The following GRIP1 variants were observed in gnomAD, a reference collection of about 807,000 sequenced individuals.
The protein encoded by GRIP1 is glutamate receptor-interacting protein 1.
GRIP1 carries 45 observed loss-of-function variants against 129.9 expected under a neutral mutation model. The observed-to-expected ratio is 0.35, with a 90% CI of 0.27 to 0.44. The LOEUF (loss-of-function observed/expected upper bound fraction) is 0.44, where lower values mean the gene tolerates loss of function less well. GRIP1 is among the 20% of genes least tolerant of loss of function. The probability of loss-of-function intolerance (pLI) is 1.00; values close to 1 mark genes in which losing one functional copy is unlikely to be tolerated. For missense variants in GRIP1, 1,196 were observed against 1,396.8 expected (o/e 0.86, Z 2.29); for synonymous variants, 530 against 520.8 (o/e 1.02, Z -0.24).
At chr12:66,739,340 G>C (rs142708947) in intron 1 of GRIP1, among the ~76,000 whole-genome samples, 2 of 152,234 alleles carry the variant, frequency 1.3e-5, no homozygotes, top group African/African-American at 4.8e-5. Context: ...CACAAAGAAT[G>C]TATGGTGGAG....
At chr12:66,802,443 C>A (rs2038885463) in intron 1 of GRIP1, among the ~76,000 whole-genome samples, 1 of 152,138 alleles carries the variant, frequency 6.6e-6, no homozygotes, top group Admixed American at 6.5e-5. Flanking sequence ...AGACTACTTA[C>A]TATCTTCATT....
intron 1 of GRIP1, among the ~76,000 whole-genome samples, chr12:66,649,152 T>C (rs1239627424): frequency 6.6e-6 from 1 of 152,204 alleles, no homozygotes; most frequent in African/African-American, 2.4e-5. Flanking sequence ...TTGCAGATTG[T>C]TCAGATATTT....
chr12:66,577,314 G>C (rs148971432), intron 2 of GRIP1, among the ~76,000 whole-genome samples: 158 of 152,308 alleles, frequency 1.0e-3, no homozygotes, highest in African/African-American at 3.8e-3. Context: ...ATGTAAAAAA[G>C]CAGGGGTTAC....
chr12:66,630,894 A>T (rs2030700284), intron 1 of GRIP1, among the ~76,000 whole-genome samples: 1 of 152,188 alleles, frequency 6.6e-6, no homozygotes, highest in African/African-American at 2.4e-5. Context: ...TTTGTTGGCT[A>T]TATTTATTGG....
rs202065198 is a variant in GRIP1, at chr12:66,491,629, GA to G, written c.724+23989del. 7.4e-3 allele frequency among the ~76,000 whole-genome samples: 1,131 copies of G among 152,042 alleles called. 18 individuals are homozygous for G. Among genetic ancestry groups the G allele is most frequent in the African/African-American group, 0.026 (1,090 of 41,480 alleles). ...ACATGCACCCCTGAACTTAAGAGTT[GA>G]AGAAAAAAATAAGAGCAAAAACAAA... On this transcript the variant is annotated intron_variant, in intron 7 of 24. Coordinates refer to ENST00000359742, the MANE Select transcript of GRIP1 (RefSeq NM_001366722.1).
intron 1 of GRIP1, among the ~76,000 whole-genome samples, chr12:66,709,567 T>A (rs1176421525): frequency 1.3e-5 from 2 of 151,894 alleles, no homozygotes; most frequent in African/African-American, 4.8e-5. Context: ...CAGGGAGTTG[T>A]TCCTAGGGTT....
chr12:66,605,508 T>C (rs1440184468), intron 1 of GRIP1, among the ~76,000 whole-genome samples: 1 of 152,202 alleles, frequency 6.6e-6, no homozygotes. Context: ...GAGGTCTAAA[T>C]CTTGTGCCAG....
chr12:66,748,642 T>C (rs1295255212), intron 1 of GRIP1, among the ~76,000 whole-genome samples: 1 of 152,220 alleles, frequency 6.6e-6, no homozygotes, highest in Non-Finnish European at 1.5e-5. Context: ...GGTCCAATTC[T>C]ATATTTGTTG....
chr12:66,810,429 G>A (rs1425565262), intron 1 of GRIP1, among the ~76,000 whole-genome samples: 4 of 152,040 alleles, frequency 2.6e-5, no homozygotes, highest in Non-Finnish European at 4.4e-5. Context: ...GTGGTGGTGC[G>A]TGCCTGTAAT....
At chr12:66,570,952 G>C (rs1263633070) in intron 2 of GRIP1, 1 of 152,138 alleles carries the variant, frequency 6.6e-6, no homozygotes, top group African/African-American at 2.4e-5. Flanking sequence ...TTGAAGGTTA[G>C]ACAACTTGCC....
chr12:66,561,319 C>T (rs1416643174), intron 2 of GRIP1, among the ~76,000 whole-genome samples: 4 of 151,978 alleles, frequency 2.6e-5, no homozygotes, highest in Admixed American at 2.6e-4. Context: ...CTTAAAATAA[C>T]TAAAAGAGTA....
intron 1 of GRIP1, among the ~76,000 whole-genome samples, chr12:66,659,243 A>G (rs2033352705): frequency 6.6e-6 from 1 of 152,198 alleles, no homozygotes; most frequent in African/African-American, 2.4e-5. Context: ...CCCTCTGTTA[A>G]CTTTCTGCAT....
upstream of GRIP1, among the ~76,000 whole-genome samples, chr12:66,679,481 A>C (rs904768983): frequency 6.8e-6 from 1 of 146,232 alleles, no homozygotes. Flanking sequence ...AAAAAGAGGG[A>C]GGGCCGTTTA....
chr12:67,041,079 G>A (rs77461655), intron 1 of GRIP1, among the ~76,000 whole-genome samples: 3,704 of 152,040 alleles, frequency 0.024, 135 homozygotes, highest in East Asian at 0.094. Context: ...CACCCTGCAG[G>A]CCTGCCCTAT....
intron 7 of GRIP1, among the ~76,000 whole-genome samples, chr12:66,491,129 A>C (rs989872057): frequency 6.6e-6 from 1 of 152,170 alleles, no homozygotes. Context: ...TACCCAAAGG[A>C]ATATGAATTA....
At chr12:66,758,455 A>C (rs2037368102) in intron 1 of GRIP1, among the ~76,000 whole-genome samples, 1 of 151,874 alleles carries the variant, frequency 6.6e-6, no homozygotes, top group Non-Finnish European at 1.5e-5. Flanking sequence ...GGGTGGGGAC[A>C]CAGCCAAATC....
chr12:66,805,800 C>G (rs1428731669), upstream of GRIP1, among the ~76,000 whole-genome samples: 1 of 152,098 alleles, frequency 6.6e-6, no homozygotes, highest in African/African-American at 2.4e-5. Flanking sequence ...TATGTAGTTA[C>G]TTTCAATGGT....
chr12:66,900,380 G>T (rs1377707192), intron 1 of GRIP1, among the ~76,000 whole-genome samples: 1 of 151,972 alleles, frequency 6.6e-6, no homozygotes, highest in African/African-American at 2.4e-5. Context: ...ACTATGTTAG[G>T]ACAGAGGGCA....
chr12:66,444,633 G>C lies in GRIP1; in HGVS notation c.1638C>G (p.Asp546Glu). ...TFEEASQLLR[D>E]SSITSKVTLE... ...GTGTGACCTTGCTCGTGATTGAAGAGTCTCGGAGGAGCTGACTGGCTTCTT... is the reference window on the plus strand; with the variant it reads ...GTGTGACCTTGCTCGTGATTGAAGACTCTCGGAGGAGCTGACTGGCTTCTT... Residue 546 changes from aspartate (D) to glutamate (E), a missense_variant, in exon 13 of 25, where the codon GAC (aspartate) becomes GAG (glutamate). This residue lies in a region of GRIP1 where 508 missense variants were observed against 587.0 expected (regional missense o/e 0.87). Transcript: ENST00000359742. 3 of 1,613,934 alleles carry C rather than the reference G, an allele frequency of 1.9e-6. No individual in the cohort carries two copies. The South Asian group carries it at 3.3e-5, about 18-fold the overall frequency.
Sources: allele counts gnomAD v4.1 joint callset (sites outside exome capture counted in the v4.1 genomes callset), GRCh38; gene constraint gnomAD v4.1.1; regional missense constraint gnomAD v4.1.1; transcripts MANE v1.5; gene names NCBI Gene and HGNC (gene_info 2026-07-23, HGNC 2026-07-21).